Variants in C8A observed in about 807,000 individuals in gnomAD.
The protein encoded by C8A is complement component C8 alpha chain.
A neutral mutation model predicts 65.3 loss-of-function variants in C8A; 67 were observed. That is an observed-to-expected ratio of 1.03 (90% CI 0.84 to 1.26). The LOEUF (loss-of-function observed/expected upper bound fraction) is 1.26. Among genes scored for constraint, C8A ranks in the 50% most tolerant of loss-of-function variants. C8A has a pLI of 0.00. For synonymous variants in C8A, 290 were observed against 259.4 expected (o/e 1.12, Z -1.13); for missense variants, 781 against 723.9 (o/e 1.08, Z -0.90).
chr1:56,857,303 T>TACACACACACACACACACAC (rs71048450), intron 1 of C8A, among the ~76,000 whole-genome samples: 1 of 148,792 alleles, frequency 6.7e-6, no homozygotes, highest in African/African-American at 2.5e-5. Context: ...TGTTATTAAA[T>TACACACACACACACACACAC]ACACACACAC....
intron 9 of C8A, among the ~76,000 whole-genome samples, chr1:56,911,686 G>A (rs2101308847): frequency 6.6e-6 from 1 of 152,296 alleles, no homozygotes; most frequent in Admixed American, 6.5e-5. Context: ...ATACGCAATA[G>A]TGCCGAAGTT....
chr1:56,872,858 C>T (rs1248473566), intron 2 of C8A, among the ~76,000 whole-genome samples: 1 of 151,616 alleles, frequency 6.6e-6, no homozygotes, highest in Admixed American at 6.6e-5. Flanking sequence ...AACCAGTGTT[C>T]TTGGAAGGCA....
intron 10 of C8A, 48 bp downstream of exon 10, chr1:56,912,673 G>C (rs751286805): frequency 1.3e-6 from 2 of 1,570,150 alleles, no homozygotes; most frequent in African/African-American, 1.4e-5. Context: ...CCAGCTCAAA[G>C]GGGCCAGTGC....
At chr1:56,916,275 G>T (rs147757910) in intron 10 of C8A, among the ~76,000 whole-genome samples, 17 of 152,212 alleles carry the variant, frequency 1.1e-4, no homozygotes, top group African/African-American at 4.1e-4. Flanking sequence ...AGCTCATGGC[G>T]CTCCATCAAC....
chr1:56,874,964 C>T lies in C8A; in HGVS notation c.187C>T (p.Leu63Phe), dbSNP rs1221434003. The T allele has an allele frequency of 2.5e-6, 4 of 1,613,586 alleles. No homozygotes were observed. Among genetic ancestry groups the T allele is most frequent in the East Asian group, 2.2e-5 (1 of 44,850 alleles). ...TCTGGTTTAGTACCGACACCGGAGC[C>T]TCTTGCAGCCAAACAAGTTTGGGGG... The part of the protein sequence containing the change: ...CQDKKYRHRS[L>F]LQPNKFGGTI... Residue 63 changes from leucine (L) to phenylalanine (F), a missense_variant, in exon 3 of 11, where the codon CTC becomes TTC. By Grantham distance (22) the Leu-to-Phe change is conservative. Coordinates refer to ENST00000361249, the MANE Select transcript of C8A (RefSeq NM_000562.3).
At chr1:56,868,205 C>A (rs1644110137) in intron 2 of C8A, among the ~76,000 whole-genome samples, 1 of 151,726 alleles carries the variant, frequency 6.6e-6, no homozygotes, top group Admixed American at 6.6e-5. Context: ...AAAATGATCC[C>A]TAGTACCATT....
chr1:56,885,273 AAT>A lies in C8A; in HGVS notation c.856-647_856-646del, dbSNP rs1359817682. 1.6e-3 allele frequency among the ~76,000 whole-genome samples: 204 copies of A among 131,578 alleles called. 2 individuals carry two copies. The highest frequency in any genetic ancestry group is 6.1e-3 in the African/African-American group (185 of 30,162). The allele number at this position is 131,578 out of a possible 152,430, so 86.3% of individuals were successfully genotyped here. On this transcript the variant is annotated intron_variant, in intron 6 of 10. Coordinates refer to ENST00000361249, the MANE Select transcript of C8A (RefSeq NM_000562.3). ...ATGTTCATATACGTGTTTATATATAAATATATATTTACATAAATATATATTTA... is the reference window on the plus strand; with the variant it reads ...ATGTTCATATACGTGTTTATATATAAATATATTTACATAAATATATATTTA...
At chr1:56,904,130 C>A (rs1248490391) in intron 7 of C8A, among the ~76,000 whole-genome samples, 1 of 152,184 alleles carries the variant, frequency 6.6e-6, no homozygotes, top group Admixed American at 6.5e-5. Context: ...CAGACCCCCA[C>A]CTCCAACTCT....
At chr1:56,896,906 C>G (rs1037255048) in intron 7 of C8A, among the ~76,000 whole-genome samples, 2 of 152,140 alleles carry the variant, frequency 1.3e-5, no homozygotes, top group African/African-American at 4.8e-5. Flanking sequence ...CTTATCCAAG[C>G]CTTGTGGCAA....
chr1:56,889,499 C>T (rs1364263339), intron 7 of C8A, among the ~76,000 whole-genome samples: 1 of 151,960 alleles, frequency 6.6e-6, no homozygotes, highest in African/African-American at 2.4e-5. Flanking sequence ...GGTCTCATTC[C>T]GTTTCTTTCT....
Position 56,874,860 on chromosome 1 carries a change from C to T in C8A, c.172-89C>T, listed in dbSNP as rs528571566. 2.0e-5 allele frequency: 29 copies of T among 1,424,214 alleles called. No individual in the cohort carries two copies. The South Asian group carries it at 3.3e-4, about 16-fold the overall frequency. 88.2% of individuals were successfully genotyped at this position (1,424,214 alleles called of 1,614,324 possible). On this transcript the variant is annotated intron_variant, in intron 2 of 10. Transcript: ENST00000361249. Reference sequence around the variant, plus strand: ...GGTCTCAATCATTAGATAATTATTTCTTATGTTGAGCCGAAACCAGGCTGC... The same window carrying T: ...GGTCTCAATCATTAGATAATTATTTTTTATGTTGAGCCGAAACCAGGCTGC...
intron 7 of C8A, among the ~76,000 whole-genome samples, chr1:56,892,965 C>T (rs1435614434): frequency 1.3e-5 from 2 of 152,090 alleles, no homozygotes; most frequent in African/African-American, 4.8e-5. Context: ...TTTGCAAAGA[C>T]CTCACAGAAA....
chr1:56,873,479 G>A (rs1420081061), intron 2 of C8A, among the ~76,000 whole-genome samples: 2 of 152,124 alleles, frequency 1.3e-5, no homozygotes, highest in African/African-American at 2.4e-5. Context: ...TAATCCTCAT[G>A]TCCATGCTCT....
At chr1:56,874,753 G>A (rs924759730) in intron 2 of C8A, among the ~76,000 whole-genome samples, 196 bp from the exon 3 acceptor site, 5 of 152,144 alleles carry the variant, frequency 3.3e-5, no homozygotes, top group South Asian at 2.1e-4. Context: ...CCTATTCAAC[G>A]TTCCAATCAG....
chr1:56,910,561 C>T (rs1344284211), intron 9 of C8A, among the ~76,000 whole-genome samples: 1 of 152,202 alleles, frequency 6.6e-6, no homozygotes, highest in Non-Finnish European at 1.5e-5. Context: ...CCTGGCTTTC[C>T]CTGGAACTAA....
Position 56,908,090 on chromosome 1 carries a change from A to C in C8A, c.1357A>C (p.Asn453His). ...TTCCTGGGGGAGGTCATTAAAGTATAATCCTGTTGTTATCGATTTTGAGGT... is the reference window on the plus strand; with the variant it reads ...TTCCTGGGGGAGGTCATTAAAGTATCATCCTGTTGTTATCGATTTTGAGGT... ...YRSWGRSLKY[N>H]PVVIDFEMQP... is the part of the protein sequence containing the mutation. The change falls in exon 9 of 11, where the codon AAT becomes CAT. Residue 453 changes from asparagine (N) to histidine (H), a missense_variant. By Grantham distance (68) the Asn-to-His change is moderately conservative. Transcript: ENST00000361249. 6.2e-7 allele frequency: 1 copy of C among 1,614,162 alleles called. No homozygotes were observed.
chr1:56,883,223 C>CTGTGTGTGTG (rs3835681), intron 5 of C8A, among the ~76,000 whole-genome samples: 2 of 150,240 alleles, frequency 1.3e-5, no homozygotes, highest in Non-Finnish European at 3.0e-5. Context: ...TCATCTGCAT[C>CTGTGTGTGTG]TGTGTGTGTG....
intron 4 of C8A, among the ~76,000 whole-genome samples, chr1:56,877,121 C>T (rs539687015): frequency 2.6e-5 from 4 of 152,150 alleles, no homozygotes; most frequent in African/African-American, 7.2e-5. Context: ...GAGGACACAG[C>T]GAAAAGGCGG....
chr1:56,865,006 A>C (rs1169552568), intron 1 of C8A, among the ~76,000 whole-genome samples: 2 of 152,194 alleles, frequency 1.3e-5, no homozygotes, highest in Non-Finnish European at 2.9e-5. Context: ...AAAATAAACA[A>C]ACAAACAAAA....
Sources: gnomAD v4.1 joint callset for allele counts (sites outside exome capture counted in the v4.1 genomes callset) on GRCh38, gnomAD v4.1.1 for gene constraint, MANE v1.5 for transcripts, NCBI Gene and HGNC (gene_info 2026-07-23, HGNC 2026-07-21) for gene names.